RC3H2: variants seen among roughly 807,000 people sequenced by gnomAD.
RC3H2 encodes ring finger and CCCH-type domains 2.
A neutral mutation model predicts 133.3 loss-of-function variants in RC3H2; 31 were observed. The ratio of observed to expected loss-of-function variants is 0.23; its 90% CI spans 0.17 to 0.31. RC3H2 has a LOEUF of 0.31. Among genes scored for constraint, RC3H2 ranks in the 10% least tolerant of loss-of-function variants. RC3H2 has a pLI of 1.00. For missense variants in RC3H2, 1,175 were observed against 1,437.2 expected (o/e 0.82, Z 2.95); for synonymous variants, 517 against 502.2 (o/e 1.03, Z -0.40).
At position 122,860,080 on chromosome 9, in the gene RC3H2, T is replaced by A. The variant is rs765944081; in HGVS notation, c.1686A>T (p.Ser562=). The A allele has an allele frequency of 2.5e-6, 4 of 1,614,136 alleles. No individual in the cohort carries two copies. The highest frequency in any genetic ancestry group is 2.5e-6 in the Non-Finnish European group (3 of 1,180,010). The part of the protein sequence containing the change: ...KTPVSNVAAT[S]AGPSNVGTEL... ...CTGTTCCAACATTAGAGGGCCCAGC[T>A]GAGGTAGCTGCTACATTACTTACAG... Residue 562 remains serine, a synonymous_variant, in exon 11 of 21, where the codon TCA becomes TCT. Coordinates refer to ENST00000357244, the MANE Select transcript of RC3H2 (RefSeq NM_001100588.3).
intron 18 of RC3H2, chr9:122,851,687 C>T (rs570046499): frequency 7.2e-5 from 30 of 416,442 alleles, no homozygotes; most frequent in African/African-American, 4.5e-4. Context: ...TTGGTGGAGA[C>T]GGGGTTTCGC....
At chr9:122,890,205 T>C in intron 4 of RC3H2, 107 bp downstream of exon 4, 1 of 780,576 alleles carries the variant, frequency 1.3e-6, no homozygotes, top group South Asian at 1.5e-5. Flanking sequence ...ATATCAAGAT[T>C]TGTACATATA....
In RC3H2 at chr9:122,905,245, T is replaced by C. The variant is rs897133878; in HGVS notation, c.-203A>G. The C allele has an allele frequency of 1.7e-5, 17 of 985,412 alleles. No individual in the cohort carries two copies. The highest frequency in any genetic ancestry group is 2.0e-5 in the Non-Finnish European group (17 of 830,006). The allele number at this position is 985,412 out of a possible 1,614,324, so 61.0% of individuals were successfully genotyped here. ...CACGACCTCAAACTCCATCGGGAGC[T>C]ACAGGGACAGCCCCGTTGGCGGCGG... On this transcript the variant is annotated 5_prime_UTR_variant, in exon 1 of 21. Coordinates refer to ENST00000357244, the MANE Select transcript of RC3H2 (RefSeq NM_001100588.3).
At chr9:122,868,413 C>G (rs1438534500) in intron 9 of RC3H2, among the ~76,000 whole-genome samples, 2 of 151,964 alleles carry the variant, frequency 1.3e-5, no homozygotes, top group East Asian at 3.9e-4. Context: ...ATTCTTCTGC[C>G]TTGGGATCCT....
chr9:122,865,716 A>G, intron 9 of RC3H2, 59 bp from the exon 10 acceptor site: 1 of 1,477,940 alleles, frequency 6.8e-7, no homozygotes, highest in Non-Finnish European at 9.2e-7. Flanking sequence ...CTCAAGACAA[A>G]AAATGGCAAT....
At chr9:122,867,026 G>C (rs1830713046) in intron 9 of RC3H2, among the ~76,000 whole-genome samples, 1 of 138,202 alleles carries the variant, frequency 7.2e-6, no homozygotes, top group African/African-American at 2.7e-5. Context: ...CCCCGTCTGG[G>C]ATGTGAGGAG....
chr9:122,883,771 C>T (rs891187505), intron 4 of RC3H2, among the ~76,000 whole-genome samples: 39 of 152,146 alleles, frequency 2.6e-4, no homozygotes, highest in African/African-American at 9.4e-4. Context: ...TGTTTGAGCC[C>T]AGGAGTTTGA....
chr9:122,880,882 G>T, intron 5 of RC3H2, 88 bp from the exon 6 acceptor site: 3 of 895,690 alleles, frequency 3.3e-6, no homozygotes, highest in Non-Finnish European at 1.8e-6. Flanking sequence ...GGAGGGTGGG[G>T]GATACTTACA....
intron 10 of RC3H2, among the ~76,000 whole-genome samples, chr9:122,863,872 G>T (rs1830546455): frequency 6.6e-6 from 1 of 152,100 alleles, no homozygotes; most frequent in Non-Finnish European, 1.5e-5. Context: ...CAGGTAGCTG[G>T]GATTACAGGC....
At chr9:122,872,424 C>A (rs570492280) in intron 9 of RC3H2, among the ~76,000 whole-genome samples, 1 of 152,196 alleles carries the variant, frequency 6.6e-6, no homozygotes. Flanking sequence ...ATGTCTAAGA[C>A]AAAATGAAAA....
At chr9:122,868,715 G>A (rs540070563) in intron 9 of RC3H2, among the ~76,000 whole-genome samples, 73 of 151,468 alleles carry the variant, frequency 4.8e-4, no homozygotes, top group African/African-American at 1.7e-3. Context: ...CCCCCTCTGT[G>A]AGAAACACCC....
chr9:122,896,371 A>T (rs571680542), intron 2 of RC3H2, among the ~76,000 whole-genome samples: 1 of 152,268 alleles, frequency 6.6e-6, no homozygotes, highest in East Asian at 1.9e-4. Context: ...CAACAAAAAA[A>T]CCTGTTTCTG....
At chr9:122,864,074 T>G (rs191115597) in intron 10 of RC3H2, among the ~76,000 whole-genome samples, 50 of 152,304 alleles carry the variant, frequency 3.3e-4, no homozygotes, top group Middle Eastern at 3.4e-3. Flanking sequence ...CCCCATCATG[T>G]GCTGACTGCA....
At chr9:122,868,922 G>GTTAAGT (rs1830922572) in intron 9 of RC3H2, among the ~76,000 whole-genome samples, 1 of 109,460 alleles carries the variant, frequency 9.1e-6, no homozygotes, top group African/African-American at 3.9e-5. Context: ...TTGTGGGGGG[G>GTTAAGT]TTAAGTTCCA....
chr9:122,895,587 T>C (rs895245147), intron 2 of RC3H2, among the ~76,000 whole-genome samples: 14 of 152,204 alleles, frequency 9.2e-5, no homozygotes, highest in Admixed American at 1.3e-4. Context: ...TAAGATACAC[T>C]ATCAATTGTA....
intron 10 of RC3H2, among the ~76,000 whole-genome samples, chr9:122,860,549 G>A (rs1830419150): frequency 6.6e-6 from 1 of 151,578 alleles, no homozygotes. Flanking sequence ...AAGCAGATGG[G>A]ACTACAAGTG....
intron 6 of RC3H2, 78 bp downstream of exon 6, chr9:122,880,516 T>A: frequency 9.0e-7 from 1 of 1,114,404 alleles, no homozygotes. Flanking sequence ...ACTGTTTGTG[T>A]ATAGACTCTT....
intron 6 of RC3H2, chr9:122,880,383 G>T: frequency 1.4e-6 from 1 of 701,948 alleles, no homozygotes; most frequent in Non-Finnish European, 2.5e-6. Flanking sequence ...AAGCCTCACT[G>T]CTTTTATGCT....
intron 1 of RC3H2, among the ~76,000 whole-genome samples, chr9:122,902,883 T>A (rs1221477085): frequency 6.6e-6 from 1 of 151,486 alleles, no homozygotes; most frequent in Non-Finnish European, 1.5e-5. Context: ...ATAGCTAAAA[T>A]TATTTTTAGT....
Sources: allele counts gnomAD v4.1 joint callset (sites outside exome capture counted in the v4.1 genomes callset), GRCh38; gene constraint gnomAD v4.1.1; transcripts MANE v1.5; gene names NCBI Gene and HGNC (gene_info 2026-07-23, HGNC 2026-07-21).